Variants in PCDHGA4 observed in about 807,000 individuals in gnomAD.
PCDHGA4 encodes the protein protocadherin gamma subfamily A, 4.
A neutral mutation model predicts 54.6 loss-of-function variants in PCDHGA4; 38 were observed. The ratio of observed to expected loss-of-function variants is 0.70; its 90% CI spans 0.54 to 0.91. The LOEUF (loss-of-function observed/expected upper bound fraction) is 0.91. PCDHGA4 is among the 40% of genes least tolerant of loss of function. PCDHGA4 has a pLI of 0.00. For synonymous variants in PCDHGA4, 511 were observed against 512.9 expected, an observed-to-expected ratio of 1.00 and a Z score of 0.05; for missense variants, 1,298 against 1,220.9, an observed-to-expected ratio of 1.06 and a Z score of -0.94.
intron 1 of PCDHGA4, chr5:141,383,852 A>G (rs1162643765): frequency 1.9e-6 from 3 of 1,613,966 alleles, no homozygotes; most frequent in East Asian, 4.5e-5. Context: ...TATGAAATGG[A>G]GGTTCAGGCT....
intron 1 of PCDHGA4, chr5:141,418,035 T>C: frequency 6.2e-7 from 1 of 1,614,000 alleles, no homozygotes; most frequent in Non-Finnish European, 8.5e-7. Context: ...CTTAGTGTCC[T>C]GGATGTGTCG....
chr5:141,465,505 G>C (rs905617997), intron 1 of PCDHGA4, among the ~76,000 whole-genome samples: 1 of 152,190 alleles, frequency 6.6e-6, no homozygotes, highest in Non-Finnish European at 1.5e-5. Context: ...CATTGTCGTG[G>C]TCAGGAAGGA....
intron 3 of PCDHGA4, among the ~76,000 whole-genome samples, chr5:141,509,620 C>G (rs1321910971): frequency 6.6e-6 from 1 of 152,188 alleles, no homozygotes; most frequent in African/African-American, 2.4e-5. Context: ...TAAACAAGTT[C>G]CTGGGTGATG....
chr5:141,486,653 C>G lies in PCDHGA4; in HGVS notation c.2515-8154C>G. On this transcript the variant is annotated intron_variant, in intron 1 of 3. Transcript: ENST00000571252. This position sits in a 1 kb window ranked among gnomAD's most constrained non-coding sequence, Gnocchi z 5.0. ...CTTGAATGCGCTTATCTCCTACTCA[C>G]TCCTGGAGCCCAGGAATCGAGATGT... is the stretch of plus-strand genomic sequence containing the variant. 1 of 1,613,968 alleles carries G rather than the reference C, an allele frequency of 6.2e-7. No individual in the cohort carries two copies. Among genetic ancestry groups the G allele is most frequent in the Non-Finnish European group, 8.5e-7 (1 of 1,180,034 alleles).
intron 1 of PCDHGA4, chr5:141,424,513 T>C (rs1339689551): frequency 6.6e-6 from 1 of 152,224 alleles, no homozygotes; most frequent in Non-Finnish European, 1.5e-5. Context: ...GGTTTTTTAA[T>C]GTAGTAAATC....
chr5:141,365,161 G>A lies in PCDHGA4; in HGVS notation c.2514+7540G>A, dbSNP rs1472001277. On this transcript the variant is annotated intron_variant, in intron 1 of 3. Transcript: ENST00000571252. ...CAGATGAGGGAATAAACGGGAAATTGACCTACTCTTTTCGCAATGAAGAAG... is the reference window on the plus strand; with the variant it reads ...CAGATGAGGGAATAAACGGGAAATTAACCTACTCTTTTCGCAATGAAGAAG... 5.0e-6 allele frequency: 8 copies of A among 1,613,810 alleles called. No homozygotes were observed. In the African/African-American group the frequency reaches 8.0e-5, roughly 16 times the overall value.
chr5:141,410,119 C>T (rs1306210256), intron 1 of PCDHGA4: 2 of 1,612,822 alleles, frequency 1.2e-6, no homozygotes, highest in Middle Eastern at 1.7e-4. Flanking sequence ...ACGCAGCCCG[C>T]CAGCGCCTGC....
In PCDHGA4 at chr5:141,432,896, G is replaced by A. The variant is rs2097547014; in HGVS notation, c.2515-61911G>A. On this transcript the variant is annotated intron_variant, in intron 1 of 3. Transcript: ENST00000571252. This position sits in a 1 kb window ranked among gnomAD's most constrained non-coding sequence, Gnocchi z 6.0. ...CCTGGCCTTCGTCATCTTGCTGCTG[G>A]CGCTCAGGCTGCGGCGCTGGCACAA... is the stretch of plus-strand genomic sequence containing the variant. 6.2e-7 allele frequency: 1 copy of A among 1,614,056 alleles called. No homozygotes were observed. Among genetic ancestry groups the A allele is most frequent in the African/African-American group, 1.3e-5 (1 of 74,946 alleles).
chr5:141,400,798 A>G (rs2094077333), intron 1 of PCDHGA4: 2 of 559,100 alleles, frequency 3.6e-6, no homozygotes, highest in Non-Finnish European at 6.3e-6. Flanking sequence ...TCTTTCTCAA[A>G]GCTAATGAAT....
intron 1 of PCDHGA4, chr5:141,359,990 C>T: frequency 3.0e-6 from 3 of 999,456 alleles, no homozygotes; most frequent in Non-Finnish European, 4.1e-6. Context: ...TAGAGGGGAA[C>T]TTCCTGCACA....
Position 141,413,864 on chromosome 5 carries a change from T to C in PCDHGA4, c.2514+56243T>C. 3 of 1,613,398 alleles carry C rather than the reference T, an allele frequency of 1.9e-6. No homozygotes were observed. The Admixed American group carries it at 5.0e-5, about 27-fold the overall frequency. ...GGTGACCCTCTCCGATCTGGCACTG[T>C]CCTTGTCAGTGTGACTGTCTTCGAT... On this transcript the variant is annotated intron_variant, in intron 1 of 3. Transcript: ENST00000571252.
At chr5:141,494,232 A>T (rs2099752983) in intron 1 of PCDHGA4, among the ~76,000 whole-genome samples, 1 of 152,168 alleles carries the variant, frequency 6.6e-6, no homozygotes, top group African/African-American at 2.4e-5. Flanking sequence ...TCCTAAATTA[A>T]TAATGTATTT....
intron 1 of PCDHGA4, among the ~76,000 whole-genome samples, chr5:141,439,341 G>A (rs1464427300): frequency 6.6e-6 from 1 of 152,166 alleles, no homozygotes; most frequent in East Asian, 1.9e-4. Context: ...AAGATTCTAA[G>A]CCTACAAATA....
At position 141,486,996 on chromosome 5, in the gene PCDHGA4, A is replaced by G; in HGVS notation, c.2515-7811A>G. ...TCAGGTTACAATGCTTGGGTTTCCT[A>G]TCAGCTCCTGGAGGCCCCAGATCCC... On this transcript the variant is annotated intron_variant, in intron 1 of 3. Coordinates refer to ENST00000571252, the MANE Select transcript of PCDHGA4 (RefSeq NM_018917.4). This position sits in a 1 kb window ranked among gnomAD's most constrained non-coding sequence, Gnocchi z 5.0. 6.2e-7 allele frequency: 1 copy of G among 1,614,152 alleles called. No individual in the cohort carries two copies. Among genetic ancestry groups the G allele is most frequent in the Non-Finnish European group, 8.5e-7 (1 of 1,180,032 alleles).
rs374663576 is a variant in PCDHGA4, at chr5:141,489,905, G to T, written c.2515-4902G>T. On this transcript the variant is annotated intron_variant, in intron 1 of 3. Coordinates refer to ENST00000571252, the MANE Select transcript of PCDHGA4 (RefSeq NM_018917.4). The surrounding 1 kb of genome is among the most constrained non-coding windows in gnomAD (Gnocchi z 4.5). ...GCTGTGGATGGGGGGACCCCAGCCC[G>T]CTCAGGGACCACCCTTATCTCTGTC... The T allele has an allele frequency of 9.7e-5, 156 of 1,614,226 alleles. 3 individuals are homozygous for T. The South Asian group carries it at 1.6e-3, about 16-fold the overall frequency.
rs753002448 is a variant in PCDHGA4 at position 141,355,220 on chromosome 5, G to T, written c.113G>T (p.Arg38Leu). 3.1e-6 allele frequency: 5 copies of T among 1,607,878 alleles called. No homozygotes were observed. In the African/African-American group the frequency reaches 4.0e-5, roughly 13 times the overall value. ...GTTGTAATGGCGGCGCCTCCTGCTC[G>T]CCCAGACCACACCCGGCTGCTCCAG... Reference protein sequence around the residue: ...GGVVMAAPPARPDHTRLLQIC... With the variant: ...GGVVMAAPPALPDHTRLLQIC... Residue 38 changes from arginine (R) to leucine (L), a missense_variant, in exon 1 of 4, where the codon CGC becomes CTC. Physicochemically the swap from Arg to Leu is moderately radical, Grantham distance 102. Transcript: ENST00000571252.
At chr5:141,360,729 C>A in intron 1 of PCDHGA4, 1 of 1,614,004 alleles carries the variant, frequency 6.2e-7, no homozygotes, top group Non-Finnish European at 8.5e-7. Flanking sequence ...TTCTAAAACA[C>A]TCTCTGGACA....
At chr5:141,374,252 C>T in intron 1 of PCDHGA4, 6 of 1,613,982 alleles carry the variant, frequency 3.7e-6, no homozygotes, top group Non-Finnish European at 5.1e-6. Context: ...ACTGGAGCCC[C>T]AGGAGTTGGC....
intron 1 of PCDHGA4, among the ~76,000 whole-genome samples, chr5:141,460,912 G>GTGTATATATA (rs145509489): frequency 6.7e-6 from 1 of 149,236 alleles, no homozygotes; most frequent in Non-Finnish European, 1.5e-5. Flanking sequence ...ATTCCATGGT[G>GTGTATATATA]TATATATATA....
Sources: gnomAD v4.1 joint callset for allele counts (sites outside exome capture counted in the v4.1 genomes callset) on GRCh38, gnomAD v4.1.1 for gene constraint, Gnocchi (gnomAD v3.1) non-coding constraint, MANE v1.5 for transcripts, NCBI Gene and HGNC (gene_info 2026-07-23, HGNC 2026-07-21) for gene names.